The following STAB2 variants were observed in gnomAD, a reference collection of about 807,000 sequenced individuals.
The protein encoded by STAB2 is stabilin-2.
In STAB2, 288 loss-of-function variants were observed where a neutral mutation model predicts 338.1. That is an observed-to-expected ratio of 0.85 (90% CI 0.77 to 0.94). The LOEUF (loss-of-function observed/expected upper bound fraction) is 0.94, where lower values mean the gene tolerates loss of function less well. STAB2 is among the 40% of genes least tolerant of loss of function. The probability of loss-of-function intolerance (pLI) is 0.00; values close to 1 mark genes in which losing one functional copy is unlikely to be tolerated. For missense variants in STAB2, 3,141 were observed against 3,210.1 expected (o/e 0.98, Z 0.52); for synonymous variants, 1,202 against 1,193.3 (o/e 1.01, Z -0.15).
chr12:103,729,039 T>C, intron 48 of STAB2, 44 bp downstream of exon 48: 4 of 1,601,198 alleles, frequency 2.5e-6, no homozygotes, highest in Non-Finnish European at 3.4e-6. Context: ...CTAGATCATG[T>C]CCTTTGCAGG....
chr12:103,666,675 T>C (rs997353475), intron 19 of STAB2, among the ~76,000 whole-genome samples: 5 of 152,244 alleles, frequency 3.3e-5, no homozygotes, highest in African/African-American at 9.6e-5. Flanking sequence ...CATCTACTTT[T>C]TCCCTTTTGG....
At chr12:103,696,410 G>C (rs1438538602) in intron 33 of STAB2, among the ~76,000 whole-genome samples, 1 of 152,188 alleles carries the variant, frequency 6.6e-6, no homozygotes, top group Non-Finnish European at 1.5e-5. Flanking sequence ...CTCATGTGGG[G>C]TTGGGGTGGG....
At position 103,650,328 on chromosome 12, in the gene STAB2, A is replaced by T. The variant is rs141612947; in HGVS notation, c.1175-168A>T. On this transcript the variant is annotated intron_variant, in intron 10 of 68. Transcript: ENST00000388887. ...TGAGGCCATGGCTTTAGGGTGCCTTACATTCTTAGAGAGATTCCCAGTTGA... is the reference window on the plus strand; with the variant it reads ...TGAGGCCATGGCTTTAGGGTGCCTTTCATTCTTAGAGAGATTCCCAGTTGA... Among the ~76,000 whole-genome samples the T allele has an allele frequency of 3.8e-3, 575 of 152,284 alleles. 2 individuals are homozygous for T. Among genetic ancestry groups the T allele is most frequent in the African/African-American group, 0.013 (558 of 41,560 alleles).
rs1269692110 is a variant in STAB2 at position 103,745,278 on chromosome 12, G to T, written c.6136+1G>T. On this transcript the variant is annotated splice_donor_variant, in intron 57 of 68. Transcript: ENST00000388887. LOFTEE classifies it high-confidence loss of function. ...GGCCCCTCGTGTGACACTCAGGCAG[G>T]TCAGTCATGGGAGTGGTCAGCTGCT... is the stretch of plus-strand genomic sequence containing the variant. 3.1e-6 allele frequency: 5 copies of T among 1,612,710 alleles called. No individual in the cohort carries two copies. In the South Asian group the frequency reaches 5.5e-5, roughly 18 times the overall value.
chr12:103,719,034 C>A (rs1880550979), intron 44 of STAB2, among the ~76,000 whole-genome samples: 1 of 152,178 alleles, frequency 6.6e-6, no homozygotes, highest in Admixed American at 6.5e-5. Flanking sequence ...CAGGCTGGAC[C>A]CATGTTATGC....
intron 3 of STAB2, among the ~76,000 whole-genome samples, chr12:103,606,468 T>C (rs1008161090): frequency 2.0e-5 from 3 of 152,162 alleles, no homozygotes; most frequent in African/African-American, 4.8e-5. Flanking sequence ...TGGATACAGA[T>C]TTGTATCTGG....
chr12:103,766,478 G>A lies in STAB2; in HGVS notation c.*142G>A. The A allele has an allele frequency of 4.1e-6, 4 of 973,294 alleles. No homozygotes were observed. Among genetic ancestry groups the A allele is most frequent in the Non-Finnish European group, 6.0e-6 (4 of 668,764 alleles). The allele number at this position is 973,294 out of a possible 1,614,324, so 60.3% of individuals were successfully genotyped here. A position where few individuals can be genotyped will look rare whatever the true frequency, so the allele number is the denominator to read the frequency against. ...CCTCATCTCTCTGGCTGATCTGGGG[G>A]TTGTTTCTGTGGGTGAGAGATGTGT... On this transcript the variant is annotated 3_prime_UTR_variant, in exon 69 of 69. Transcript: ENST00000388887.
chr12:103,666,307 G>A lies in STAB2; in HGVS notation c.2039G>A (p.Cys680Tyr), dbSNP rs768132195. ...REMKLGTCVS[C>Y]SLVYWSRCPA... ...TCCCTCCAGGGCACTTGTGTGAGCTGTTCTCTGGTGTACTGGAGCAGATGT... is the reference window on the plus strand; with the variant it reads ...TCCCTCCAGGGCACTTGTGTGAGCTATTCTCTGGTGTACTGGAGCAGATGT... Residue 680 changes from cysteine (C) to tyrosine (Y), a missense_variant, in exon 19 of 69, where the codon TGT becomes TAT. Cys to Tyr is a radical substitution (Grantham distance 194, BLOSUM62 -2). Coordinates refer to ENST00000388887, the MANE Select transcript of STAB2 (RefSeq NM_017564.10). 1.9e-6 allele frequency: 3 copies of A among 1,614,136 alleles called. No homozygotes were observed. The highest frequency in any genetic ancestry group is 2.5e-6 in the Non-Finnish European group (3 of 1,180,032).
At chr12:103,622,687 C>G (rs1252264610) in intron 5 of STAB2, among the ~76,000 whole-genome samples, 1 of 152,224 alleles carries the variant, frequency 6.6e-6, no homozygotes, top group African/African-American at 2.4e-5. Flanking sequence ...CTGTTAAATG[C>G]AGTCATTGAA....
chr12:103,633,962 A>G (rs1452104375), intron 6 of STAB2, among the ~76,000 whole-genome samples: 1 of 152,164 alleles, frequency 6.6e-6, no homozygotes, highest in Non-Finnish European at 1.5e-5. Flanking sequence ...CTAAGAATTT[A>G]CCCCGGGAGA....
intron 49 of STAB2, 98 bp from the exon 50 acceptor site, chr12:103,731,478 G>C: frequency 3.9e-6 from 5 of 1,274,006 alleles, no homozygotes; most frequent in Non-Finnish European, 5.5e-6. Context: ...GTATCCGTCA[G>C]GTTATGTTAC....
intron 43 of STAB2, 40 bp downstream of exon 43, chr12:103,715,928 G>A (rs529334426): frequency 1.5e-4 from 237 of 1,609,268 alleles, no homozygotes; most frequent in Non-Finnish European, 1.9e-4. Flanking sequence ...TTTCCTAAAA[G>A]GGAACTCCTA....
At chr12:103,624,583 G>A (rs576463946) in intron 5 of STAB2, among the ~76,000 whole-genome samples, 9 of 152,286 alleles carry the variant, frequency 5.9e-5, no homozygotes, top group Admixed American at 2.0e-4. Context: ...CTAATCATAG[G>A]TGTTTCTTCA....
Position 103,712,348 on chromosome 12 carries a change from T to A in STAB2, c.4335-19T>A, listed in dbSNP as rs369505331. 1 of 1,605,566 alleles carries A rather than the reference T, an allele frequency of 6.2e-7. No homozygotes were observed. The highest frequency in any genetic ancestry group is 8.5e-7 in the Non-Finnish European group (1 of 1,172,180). ...TGGAGTATTTTTCTACAAACCCCAT[T>A]TGTCCTTCCTTGTTGCAGCTGCCTC... On this transcript the variant is annotated intron_variant, in intron 40 of 68. Coordinates refer to ENST00000388887, the MANE Select transcript of STAB2 (RefSeq NM_017564.10).
chr12:103,644,329 G>A (rs1873168655), intron 9 of STAB2, among the ~76,000 whole-genome samples: 1 of 149,970 alleles, frequency 6.7e-6, no homozygotes, highest in East Asian at 1.9e-4. Context: ...GATGCTTGAA[G>A]GCAGCATGCT....
intron 64 of STAB2, among the ~76,000 whole-genome samples, chr12:103,758,752 A>G (rs1416553259): frequency 4.6e-5 from 7 of 152,240 alleles, no homozygotes; most frequent in Admixed American, 4.6e-4. Context: ...GTTCCACACC[A>G]ACCTTCTTCA....
intron 5 of STAB2, among the ~76,000 whole-genome samples, chr12:103,625,609 G>T (rs1320733784): frequency 1.3e-5 from 2 of 152,106 alleles, no homozygotes; most frequent in African/African-American, 4.8e-5. Context: ...AACATGCGGT[G>T]TTTGGTTTTT....
intron 22 of STAB2, among the ~76,000 whole-genome samples, chr12:103,672,546 C>T (rs774135106): frequency 1.3e-5 from 2 of 152,148 alleles, no homozygotes; most frequent in Non-Finnish European, 2.9e-5. Flanking sequence ...TTTCCAGGCC[C>T]GCTCACTTGT....
chr12:103,694,837 C>G (rs544171045), intron 31 of STAB2, among the ~76,000 whole-genome samples: 11 of 152,132 alleles, frequency 7.2e-5, no homozygotes, highest in Non-Finnish European at 1.5e-4. Context: ...GTTAATTATG[C>G]AGAGCTTGCA....
Sources: allele counts gnomAD v4.1 joint callset (sites outside exome capture counted in the v4.1 genomes callset), GRCh38; gene constraint gnomAD v4.1.1; transcripts MANE v1.5; gene names NCBI Gene and HGNC (gene_info 2026-07-23, HGNC 2026-07-21).